Variants in RP1 observed in about 807,000 individuals in gnomAD.
RP1 encodes the protein RP1 axonemal microtubule associated, also known as oxygen-regulated protein 1.
In RP1, 16 loss-of-function variants were observed where a neutral mutation model predicts 14.8. The ratio of observed to expected loss-of-function variants is 1.08; its 90% CI spans 0.73 to 1.65. RP1 has a LOEUF of 1.65. Among genes scored for constraint, RP1 ranks in the 40% most tolerant of loss-of-function variants. RP1 has a pLI of 0.00. For missense variants in RP1, 2,631 were observed against 2,535.0 expected, an observed-to-expected ratio of 1.04 and a Z score of -0.81; for synonymous variants, 876 against 883.6, an observed-to-expected ratio of 0.99 and a Z score of 0.15.
rs1226526181 is a variant in RP1, at chr8:54,754,713, C to A, written c.2809-90C>A. The A allele has an allele frequency of 2.3e-6, 3 of 1,329,088 alleles. No individual in the cohort carries two copies. In the African/African-American group the frequency reaches 4.5e-5, roughly 20 times the overall value. The allele number at this position is 1,329,088 out of a possible 1,614,324, so 82.3% of individuals were successfully genotyped here. ...CACCATCATCAGAGTATGCAGTACACTTTTGAAATCCCTGGGATGCATTGT... is the reference window on the plus strand; with the variant it reads ...CACCATCATCAGAGTATGCAGTACAATTTTGAAATCCCTGGGATGCATTGT... On this transcript the variant is annotated intron_variant, in intron 19 of 22. Transcript: ENST00000636932.
At chr8:54,752,103 G>C (rs1809386491) in intron 19 of RP1, among the ~76,000 whole-genome samples, 1 of 152,194 alleles carries the variant, frequency 6.6e-6, no homozygotes, top group Non-Finnish European at 1.5e-5. Context: ...CTTGGAAACT[G>C]TGACTTCAAG....
chr8:54,618,141 C>T (rs1444951353), intron 1 of RP1, among the ~76,000 whole-genome samples: 2 of 152,166 alleles, frequency 1.3e-5, no homozygotes, highest in Admixed American at 6.5e-5. Flanking sequence ...CTGGCAACCA[C>T]GTGTTGGATG....
chr8:54,691,939 T>A (rs1807723587), intron 12 of RP1, among the ~76,000 whole-genome samples: 1 of 151,938 alleles, frequency 6.6e-6, no homozygotes, highest in Admixed American at 6.6e-5. Context: ...TAGCATTAGG[T>A]ATATCTCCTA....
intron 15 of RP1, among the ~76,000 whole-genome samples, chr8:54,718,500 A>C (rs1808459889): frequency 6.6e-6 from 1 of 152,224 alleles, no homozygotes; most frequent in Non-Finnish European, 1.5e-5. Context: ...TACTGGAACA[A>C]TTGGATGTCC....
In RP1 at chr8:54,701,435, A is replaced by AT. The variant is rs879057675; in HGVS notation, c.1822-41dup. ...TATGTATATAATGTGATTACATTAA[A>AT]TTTTTTTTTTCTGTTACTAATTTAG... On this transcript the variant is annotated intron_variant, in intron 13 of 22. Transcript: ENST00000636932. 5,989 of 1,328,478 alleles carry AT rather than the reference A, an allele frequency of 4.5e-3. 5 individuals carry two copies. The highest frequency in any genetic ancestry group is 0.016 in the South Asian group (1,090 of 66,426). 82.3% of individuals were successfully genotyped at this position (1,328,478 alleles called of 1,614,324 possible).
rs958182770 is a variant in RP1, at chr8:54,574,298, G to A, written c.-13+14978G>A. ...CTGTGAAAGAATGCTATTGGGAGCCGAAGCGGGGTGAGACCCTGGTAGCAA... is the reference window on the plus strand; with the variant it reads ...CTGTGAAAGAATGCTATTGGGAGCCAAAGCGGGGTGAGACCCTGGTAGCAA... On this transcript the variant is annotated intron_variant, in intron 1 of 22. Coordinates refer to the RP1 transcript ENST00000636932. Among the ~76,000 whole-genome samples, 117 of 152,252 alleles carry A rather than the reference G, an allele frequency of 7.7e-4. 1 individual carries two copies. The highest frequency in any genetic ancestry group is 1.8e-4 in the Non-Finnish European group (12 of 68,012).
chr8:54,705,975 CTTAAA>C (rs1237813782), intron 14 of RP1, among the ~76,000 whole-genome samples: 1 of 152,036 alleles, frequency 6.6e-6, no homozygotes, highest in African/African-American at 2.4e-5. Flanking sequence ...ATATCTTCCT[CTTAAA>C]TTAATGATTA....
intron 22 of RP1, among the ~76,000 whole-genome samples, chr8:54,766,113 C>G (rs1431508873): frequency 6.6e-6 from 1 of 152,002 alleles, no homozygotes; most frequent in Non-Finnish European, 1.5e-5. Flanking sequence ...CATGAGTTCC[C>G]TCTGTAACAT....
chr8:54,586,957 C>A (rs907566824), intron 1 of RP1, among the ~76,000 whole-genome samples: 3 of 152,208 alleles, frequency 2.0e-5, no homozygotes, highest in Non-Finnish European at 4.4e-5. Context: ...TGAGGCAATG[C>A]CTTGCCCTGC....
chr8:54,748,292 C>G (rs1237810539), intron 19 of RP1, among the ~76,000 whole-genome samples: 1 of 152,130 alleles, frequency 6.6e-6, no homozygotes, highest in African/African-American at 2.4e-5. Context: ...TTCTGAAATG[C>G]GGTAAGAAAA....
chr8:54,568,796 C>T (rs1804462269), intron 1 of RP1, among the ~76,000 whole-genome samples: 1 of 152,180 alleles, frequency 6.6e-6, no homozygotes, highest in South Asian at 2.1e-4. Context: ...TCCACATAGT[C>T]ACCACAGGGG....
chr8:54,638,437 C>CAA (rs35957110), intron 3 of RP1, among the ~76,000 whole-genome samples: 27 of 122,726 alleles, frequency 2.2e-4, no homozygotes, highest in African/African-American at 7.7e-4. Context: ...GACTCCATCT[C>CAA]AAAAAAAAAA....
intron 1 of RP1, among the ~76,000 whole-genome samples, chr8:54,605,594 T>A (rs1805415399): frequency 6.6e-6 from 1 of 152,130 alleles, no homozygotes; most frequent in Non-Finnish European, 1.5e-5. Context: ...TGGATATCCT[T>A]GTTAACTTTC....
At chr8:54,611,880 CCTCT>C (rs1349551822), upstream of RP1, among the ~76,000 whole-genome samples, 2 of 147,678 alleles carry the variant, frequency 1.4e-5, no homozygotes, top group African/African-American at 5.1e-5. Context: ...TCCCTCCCTC[CCTCT>C]CTCCCTTCCT....
Position 54,629,472 on chromosome 8 carries a change from T to C in RP1, c.5590T>C (p.Cys1864Arg). The C allele has an allele frequency of 6.2e-7, 1 of 1,614,146 alleles. No individual in the cohort carries two copies. Among genetic ancestry groups the C allele is most frequent in the Non-Finnish European group, 8.5e-7 (1 of 1,180,010 alleles). Residue 1864 changes from cysteine (C) to arginine (R), a missense_variant, in exon 4 of 4, where the codon TGC becomes CGC. Cys to Arg is a radical substitution (Grantham distance 180). Coordinates refer to ENST00000220676, the MANE Select transcript of RP1 (RefSeq NM_006269.2). ...EKGSHQSERV[C>R]TSVTHSFISA... ...GGGTAGTCATCAGTCAGAAAGAGTA[T>C]GCACATCTGTCACTCATTCCTTTAT...
chr8:54,833,662 G>T (rs1811590024), intron 24 of RP1, among the ~76,000 whole-genome samples: 1 of 152,044 alleles, frequency 6.6e-6, no homozygotes, highest in Non-Finnish European at 1.5e-5. Context: ...TTTTCCAATA[G>T]AAATCATTCA....
chr8:54,678,454 T>C lies in RP1; in HGVS notation c.1403-7T>C, dbSNP rs896911938. On this transcript the variant is annotated splice_region_variant and splice_polypyrimidine_tract_variant and intron_variant, in intron 8 of 22. Coordinates refer to the RP1 transcript ENST00000636932. ...TATCACATTTTCATTCTTTAATTTG[T>C]GTTTAGGAAATGGTTGGTTTCTTGA... 2.6e-6 allele frequency: 4 copies of C among 1,532,072 alleles called. No individual in the cohort carries two copies. The East Asian group carries it at 9.8e-5, about 38-fold the overall frequency. 94.9% of individuals were successfully genotyped at this position (1,532,072 alleles called of 1,614,324 possible). A position where few individuals can be genotyped will look rare whatever the true frequency, so the allele number is the denominator to read the frequency against.
chr8:54,562,891 A>C (rs2129290304), intron 1 of RP1, among the ~76,000 whole-genome samples: 1 of 152,310 alleles, frequency 6.6e-6, no homozygotes, highest in Non-Finnish European at 1.5e-5. Context: ...CCACGGAGAC[A>C]GGTGAATGCC....
intron 24 of RP1, among the ~76,000 whole-genome samples, chr8:54,797,039 G>T (rs1229668414): frequency 1.3e-5 from 2 of 152,138 alleles, no homozygotes; most frequent in African/African-American, 4.8e-5. Context: ...TTGTGAGAGG[G>T]AAGCAGGTAT....
Sources: allele counts gnomAD v4.1 joint callset (sites outside exome capture counted in the v4.1 genomes callset), GRCh38; gene constraint gnomAD v4.1.1; transcripts MANE v1.5; gene names NCBI Gene and HGNC (gene_info 2026-07-23, HGNC 2026-07-21).